PMPCB: variants seen among roughly 807,000 people sequenced by gnomAD.
PMPCB encodes the protein peptidase, mitochondrial processing subunit beta, also known as mitochondrial-processing peptidase subunit beta.
A neutral mutation model predicts 61.5 loss-of-function variants in PMPCB; 46 were observed. The observed-to-expected ratio is 0.75, with a 90% CI of 0.59 to 0.96. PMPCB has a LOEUF of 0.96. PMPCB is among the 40% of genes least tolerant of loss of function. The pLI is 0.00. For missense variants in PMPCB, 590 were observed against 602.4 expected (o/e 0.98, Z 0.22); for synonymous variants, 191 against 201.6 (o/e 0.95, Z 0.44).
At position 103,321,867 on chromosome 7, in the gene PMPCB, G is replaced by C. The variant is rs76053201; in HGVS notation, c.*1432-7064G>C. On this transcript the variant is annotated intron_variant and NMD_transcript_variant, in intron 12 of 12. Transcript: ENST00000444457. ...CATCTAAAAAACAAACAAACAAAAA[G>C]AAGTATTTTTGCTTAATAAGCAACT... The C allele has an allele frequency of 5.0e-3, 7,609 of 1,523,974 alleles. 315 individuals carry two copies. The African/African-American group carries it at 0.089, about 18-fold the overall frequency. 94.4% of individuals were successfully genotyped at this position (1,523,974 alleles called of 1,614,324 possible). A position where few individuals can be genotyped will look rare whatever the true frequency, so the allele number is the denominator to read the frequency against.
At chr7:103,305,781 T>G (rs557784039) in intron 6 of PMPCB, among the ~76,000 whole-genome samples, 3 of 152,198 alleles carry the variant, frequency 2.0e-5, no homozygotes, top group Non-Finnish European at 4.4e-5. Context: ...GGAAGTGCAC[T>G]CTGAAATTCT....
chr7:103,297,797 C>T (rs1409066644), intron 1 of PMPCB: 1 of 1,528,638 alleles, frequency 6.5e-7, no homozygotes, highest in Non-Finnish European at 8.8e-7. Flanking sequence ...CTCCTCCCGC[C>T]AGCTACTGAG....
downstream of PMPCB, chr7:103,316,654 A>C (rs1349273826): frequency 1.6e-6 from 1 of 607,908 alleles, no homozygotes; most frequent in Non-Finnish European, 2.9e-6. Flanking sequence ...ATGTGTACTG[A>C]TGCAATGGGT....
chr7:103,337,506 C>A, the PMPCB span: 1 of 456,458 alleles, frequency 2.2e-6, no homozygotes, highest in East Asian at 3.8e-5. Flanking sequence ...CACACACACA[C>A]CCATCCTAAT....
chr7:103,341,827 T>C, the PMPCB span: 1 of 1,611,720 alleles, frequency 6.2e-7, no homozygotes, highest in Non-Finnish European at 8.5e-7. Context: ...ATTCTTCATC[T>C]TCTGATTCCT....
chr7:103,337,055 G>C, the PMPCB span: 1 of 152,126 alleles, frequency 6.6e-6, no homozygotes, highest in African/African-American at 2.4e-5. Context: ...CTAGAGTGGA[G>C]GGCAGAACAT....
chr7:103,300,060 G>C (rs1457403538), intron 3 of PMPCB, 118 bp from the exon 4 acceptor site: 1 of 951,574 alleles, frequency 1.1e-6, no homozygotes, highest in Non-Finnish European at 1.6e-6. Context: ...ATGTACTTTA[G>C]AAACCAAATT....
chr7:103,326,652 G>A, intron 12 of PMPCB: 2 of 1,612,460 alleles, frequency 1.2e-6, no homozygotes, highest in Non-Finnish European at 1.7e-6. Flanking sequence ...TTAAATGCTC[G>A]TCTTTTCACT....
At chr7:103,302,344 C>T (rs913526374) in intron 4 of PMPCB, among the ~76,000 whole-genome samples, 1 of 152,108 alleles carries the variant, frequency 6.6e-6, no homozygotes, top group South Asian at 2.1e-4. Flanking sequence ...AAGTTAAATA[C>T]ATGTGCTACT....
At chr7:103,299,697 A>G (rs1476394771) in intron 3 of PMPCB, among the ~76,000 whole-genome samples, 168 bp downstream of exon 3, 1 of 152,236 alleles carries the variant, frequency 6.6e-6, no homozygotes, top group African/African-American at 2.4e-5. Flanking sequence ...TAAAGCTGAA[A>G]TGAAAACTTT....
At chr7:103,315,813 A>G (rs775185365), downstream of PMPCB, 14 of 1,613,662 alleles carry the variant, frequency 8.7e-6, no homozygotes, top group Admixed American at 1.7e-5. Flanking sequence ...GTACCACTCC[A>G]TGTTCTTTTT....
At chr7:103,305,356 C>T (rs1817548742) in intron 6 of PMPCB, among the ~76,000 whole-genome samples, 1 of 152,110 alleles carries the variant, frequency 6.6e-6, no homozygotes, top group South Asian at 2.1e-4. Context: ...GCCAGATTTC[C>T]TGGCAGTCTG....
chr7:103,320,676 G>A (rs901546806), intron 12 of PMPCB, among the ~76,000 whole-genome samples: 1 of 150,632 alleles, frequency 6.6e-6, no homozygotes, highest in Non-Finnish European at 1.5e-5. Flanking sequence ...CCCAGGAGGC[G>A]GAGCTTGCAG....
the PMPCB span, among the ~76,000 whole-genome samples, chr7:103,343,796 T>A: frequency 1.3e-5 from 2 of 152,168 alleles, no homozygotes; most frequent in Non-Finnish European, 2.9e-5. Context: ...GTGTGGCTTT[T>A]AAGAACACTG....
Position 103,313,745 on chromosome 7 carries a change from TA to T in PMPCB, c.*1475del. 1.0e-6 allele frequency: 1 copy of T among 985,280 alleles called. No homozygotes were observed. The highest frequency in any genetic ancestry group is 4.7e-5 in the South Asian group (1 of 21,290). The allele number at this position is 985,280 out of a possible 1,614,324, so 61.0% of individuals were successfully genotyped here. On this transcript the variant is annotated 3_prime_UTR_variant, in exon 13 of 13. Transcript: ENST00000249269. ...TGTGGTTCTTCAACTAAACCTTGTATATTTCAGAAAACATCTAAGATGTGTG... is the reference window on the plus strand; with the variant it reads ...TGTGGTTCTTCAACTAAACCTTGTATTTTCAGAAAACATCTAAGATGTGTG...
At chr7:103,326,583 AATT>A (rs1818719639) in intron 12 of PMPCB, 1 of 1,613,884 alleles carries the variant, frequency 6.2e-7, no homozygotes, top group African/African-American at 1.3e-5. Flanking sequence ...ACTTCGAAGA[AATT>A]ATCCTTTGCT....
Position 103,303,823 on chromosome 7 carries a change from ATATTT to A in PMPCB, c.458-12_458-8del, listed in dbSNP as rs1161166798. The A allele has an allele frequency of 6.4e-7, 1 of 1,552,602 alleles. No individual in the cohort carries two copies. Among genetic ancestry groups the A allele is most frequent in the East Asian group, 2.3e-5 (1 of 43,452 alleles). ...GTTAAGATTGCTGGCACGTTTTCTT[ATATTT>A]TATTTTCAATTAGCTGTAGAAATTC... is the stretch of plus-strand genomic sequence containing the variant. On this transcript the variant is annotated splice_polypyrimidine_tract_variant and intron_variant, in intron 4 of 12. Transcript: ENST00000249269.
Position 103,298,713 on chromosome 7 carries a change from G to A in PMPCB, c.240+5G>A. The A allele has an allele frequency of 1.2e-6, 2 of 1,612,590 alleles. No individual in the cohort carries two copies. The highest frequency in any genetic ancestry group is 1.7e-6 in the Non-Finnish European group (2 of 1,179,310). ...TCTGGGCTCTCAACATGCACAGTAA[G>A]TGACTCAGGCAACCTTCTCTAAGTG... is the stretch of plus-strand genomic sequence containing the variant. On this transcript the variant is annotated splice_donor_5th_base_variant and intron_variant, in intron 2 of 12. Coordinates refer to ENST00000249269, the MANE Select transcript of PMPCB (RefSeq NM_004279.3).
the PMPCB span, among the ~76,000 whole-genome samples, chr7:103,342,600 C>T: frequency 1.3e-5 from 2 of 151,304 alleles, no homozygotes; most frequent in Non-Finnish European, 2.9e-5. Flanking sequence ...CCACTGCACC[C>T]ACCTGGACAA....
Sources: allele counts gnomAD v4.1 joint callset (sites outside exome capture counted in the v4.1 genomes callset), GRCh38; gene constraint gnomAD v4.1.1; transcripts MANE v1.5; gene names NCBI Gene and HGNC (gene_info 2026-07-23, HGNC 2026-07-21).